PPP6R2: variants seen among roughly 807,000 people sequenced by gnomAD.
The protein encoded by PPP6R2 is serine/threonine-protein phosphatase 6 regulatory subunit 2.
In PPP6R2, 62 loss-of-function variants were observed where a neutral mutation model predicts 100.2. The ratio of observed to expected loss-of-function variants is 0.62; its 90% confidence interval spans 0.50 to 0.76. The LOEUF (loss-of-function observed/expected upper bound fraction) is 0.76. Ranked by LOEUF, PPP6R2 falls within the 30% of genes least tolerant of loss-of-function variation. The pLI is 0.00. For synonymous variants in PPP6R2, 525 were observed against 514.7 expected (o/e 1.02, Z -0.27); for missense variants, 1,142 against 1,276.3 (o/e 0.89, Z 1.60).
chr22:50,380,439 C>T (rs78575967), intron 2 of PPP6R2, among the ~76,000 whole-genome samples: 28,830 of 151,040 alleles, frequency 0.19, 3,048 homozygotes, highest in South Asian at 0.36. Flanking sequence ...CGGCTCACTG[C>T]AACCTCTACC....
chr22:50,370,287 G>A (rs1380529638), intron 1 of PPP6R2, among the ~76,000 whole-genome samples: 3 of 151,998 alleles, frequency 2.0e-5, no homozygotes, highest in Non-Finnish European at 4.4e-5. Flanking sequence ...TATGTGCCAC[G>A]TCTTGTTTGT....
At chr22:50,437,484 T>TGCCCACC in intron 15 of PPP6R2, 22 bp from the exon 16 acceptor site, 3 of 542,102 alleles carry the variant, frequency 5.5e-6, no homozygotes, top group Non-Finnish European at 1.1e-5. Context: ...TGTCCGTCCC[T>TGCCCACC]CCCTCCCTCC....
intron 2 of PPP6R2, among the ~76,000 whole-genome samples, chr22:50,373,437 A>G (rs1299501682): frequency 1.3e-5 from 2 of 150,532 alleles, no homozygotes; most frequent in African/African-American, 4.9e-5. Context: ...TAGAGACGGC[A>G]TTTCACCATG....
intron 4 of PPP6R2, among the ~76,000 whole-genome samples, chr22:50,407,753 G>A (rs777140274): frequency 2.6e-5 from 4 of 152,200 alleles, no homozygotes; most frequent in African/African-American, 4.8e-5. Context: ...TGGTCCCTGT[G>A]CCTGCACCCT....
At chr22:50,425,880 TG>T (rs1462116621) in intron 10 of PPP6R2, among the ~76,000 whole-genome samples, 5 of 140,014 alleles carry the variant, frequency 3.6e-5, no homozygotes, top group Admixed American at 7.2e-5. Context: ...GTTTTTTTTT[TG>T]TTTTTTTTTT....
chr22:50,419,395 C>G lies in PPP6R2; in HGVS notation c.778C>G (p.Arg260Gly). 6.2e-7 allele frequency: 1 copy of G among 1,614,138 alleles called. No homozygotes were observed. Among genetic ancestry groups the G allele is most frequent in the African/African-American group, 1.3e-5 (1 of 75,034 alleles). Residue 260 changes from arginine to glycine, a missense_variant, in exon 8 of 24, where the codon CGG (arginine) becomes GGG (glycine). Transcript: ENST00000612753. Reference sequence around the variant, plus strand: ...TCTGAAGAACATGTTTGATGGAGACCGGACGGAGAGCTGCCTCGTCAGTGG... The same window carrying G: ...TCTGAAGAACATGTTTGATGGAGACGGGACGGAGAGCTGCCTCGTCAGTGG... ...QLLKNMFDGD[R>G]TESCLVSGTQ...
chr22:50,438,112 G>A (rs1294995374), intron 17 of PPP6R2, 62 bp from the exon 18 acceptor site: 2 of 1,567,364 alleles, frequency 1.3e-6, no homozygotes, highest in East Asian at 2.2e-5. Flanking sequence ...AGCTCTATGG[G>A]GAGAGCGGCT....
rs546504517 is a variant in PPP6R2, at chr22:50,396,055, C to T, written c.227+1920C>T. On this transcript the variant is annotated intron_variant, in intron 3 of 23. Transcript: ENST00000612753. The stretch of plus-strand genomic sequence containing the variant: ...AATAAAAATACAAAAATTAGCAGGG[C>T]GTAGTGGCGCACGCCTGTAATCTCA... 7.4e-5 allele frequency among the ~76,000 whole-genome samples: 11 copies of T among 148,224 alleles called. No individual in the cohort carries two copies. In the East Asian group the frequency reaches 8.3e-4, roughly 11 times the overall value.
rs1235582130 is a variant in PPP6R2, at chr22:50,431,214, C to T, written c.1167C>T (p.Phe389=). The change falls in exon 11 of 24, where the codon TTC becomes TTT. Residue 389 remains phenylalanine, a synonymous_variant. Coordinates refer to ENST00000612753, the MANE Select transcript of PPP6R2 (RefSeq NM_001242898.2). The surrounding 1 kb of genome is among the most constrained non-coding windows in gnomAD (Gnocchi z 4.8). Reference sequence around the variant, plus strand: ...ACACCTGGAATAACTTTTTGCACTTCCAAGTGGAACTATGCATAGCCGCTA... The same window carrying T: ...ACACCTGGAATAACTTTTTGCACTTTCAAGTGGAACTATGCATAGCCGCTA... ...FKYTWNNFLH[F]QVELCIAAIL... is the part of the protein sequence containing the mutation. The T allele has an allele frequency of 6.2e-7, 1 of 1,613,804 alleles. No individual in the cohort carries two copies. The highest frequency in any genetic ancestry group is 8.5e-7 in the Non-Finnish European group (1 of 1,179,854).
intron 8 of PPP6R2, among the ~76,000 whole-genome samples, chr22:50,421,223 A>G (rs2061289855): frequency 6.6e-6 from 1 of 152,242 alleles, no homozygotes; most frequent in Non-Finnish European, 1.5e-5. Context: ...TAATCTTCAT[A>G]AACCCAGGAA....
At chr22:50,438,915 G>A (rs1232775227) in intron 19 of PPP6R2, among the ~76,000 whole-genome samples, 153 bp downstream of exon 19, 9 of 152,208 alleles carry the variant, frequency 5.9e-5, no homozygotes, top group Admixed American at 5.9e-4. Context: ...CAGCCGTCCT[G>A]AGTAGGGGTC....
At position 50,444,200 on chromosome 22, in the gene PPP6R2, A is replaced by G. The variant is rs755448559; in HGVS notation, c.2833A>G (p.Lys945Glu). The G allele has an allele frequency of 6.2e-7, 1 of 1,612,834 alleles. No homozygotes were observed. Among genetic ancestry groups the G allele is most frequent in the South Asian group, 1.1e-5 (1 of 91,038 alleles). Reference protein sequence around the residue: ...ATLGTVTKDGKTDAPPEGAAL... With the variant: ...ATLGTVTKDGETDAPPEGAAL... ...TCCAACCCCACCCCATTCCTGCAGGAAGACAGATGCCCCGCCAGAAGGAGC... is the reference window on the plus strand; with the variant it reads ...TCCAACCCCACCCCATTCCTGCAGGGAGACAGATGCCCCGCCAGAAGGAGC... The change falls in exon 24 of 24, where the codon AAG becomes GAG. Residue 945 changes from lysine (K) to glutamate (E), a missense_variant and splice_region_variant. Lys to Glu is a moderately conservative substitution (Grantham distance 56). Around this residue, in one of 2 missense-constraint regions of PPP6R2, gnomAD observed 550 missense variants for 517.4 expected, o/e 1.06. Coordinates refer to ENST00000612753, the MANE Select transcript of PPP6R2 (RefSeq NM_001242898.2).
At chr22:50,393,679 T>G in intron 2 of PPP6R2, 1 of 974,420 alleles carries the variant, frequency 1.0e-6, no homozygotes, top group African/African-American at 1.8e-5. Context: ...TGGAGAGGTC[T>G]GATGGGAATG....
In PPP6R2 at chr22:50,418,982, G is replaced by A. The variant is rs1056309828; in HGVS notation, c.731+3G>A. On this transcript the variant is annotated splice_donor_region_variant and intron_variant, in intron 7 of 23. Transcript: ENST00000612753. ...CCGCTCCTCACAGCGCTGGAGTCGT[G>A]AGTGCTGGTGGGCCGTGGTGCTGGT... is the stretch of plus-strand genomic sequence containing the variant. 1 of 1,609,672 alleles carries A rather than the reference G, an allele frequency of 6.2e-7. No homozygotes were observed. Among genetic ancestry groups the A allele is most frequent in the Non-Finnish European group, 8.5e-7 (1 of 1,176,132 alleles).
the PPP6R2 span, among the ~76,000 whole-genome samples, chr22:50,331,271 G>T: frequency 6.6e-6 from 1 of 151,966 alleles, no homozygotes; most frequent in African/African-American, 2.4e-5. Context: ...TGACATTTGT[G>T]TACAAGTCTC....
At chr22:50,377,505 A>T (rs1390653538) in intron 2 of PPP6R2, among the ~76,000 whole-genome samples, 2 of 152,148 alleles carry the variant, frequency 1.3e-5, no homozygotes, top group Admixed American at 6.6e-5. Flanking sequence ...CAGTGAAGTG[A>T]AAATCAGTGA....
At chr22:50,379,250 C>CT (rs1344562357) in intron 2 of PPP6R2, among the ~76,000 whole-genome samples, 1 of 152,154 alleles carries the variant, frequency 6.6e-6, no homozygotes, top group African/African-American at 2.4e-5. Flanking sequence ...AATCCCAGCA[C>CT]TTTGAGAGGC....
chr22:50,431,156 G>C lies in PPP6R2; in HGVS notation c.1126-17G>C, dbSNP rs368086929. The C allele has an allele frequency of 3.1e-6, 5 of 1,588,700 alleles. No homozygotes were observed. In the African/African-American group the frequency reaches 6.7e-5, roughly 21 times the overall value. ...AAAACCGATCTAAGAACTGTCTTCTGTCCTCTGTTTACCCAGGACTTGTTC... is the reference window on the plus strand; with the variant it reads ...AAAACCGATCTAAGAACTGTCTTCTCTCCTCTGTTTACCCAGGACTTGTTC... On this transcript the variant is annotated splice_polypyrimidine_tract_variant and intron_variant, in intron 10 of 23. Transcript: ENST00000612753. This position sits in a 1 kb window ranked among gnomAD's most constrained non-coding sequence, Gnocchi z 4.8.
At chr22:50,368,292 A>G (rs2148454315) in intron 1 of PPP6R2, among the ~76,000 whole-genome samples, 1 of 152,186 alleles carries the variant, frequency 6.6e-6, no homozygotes, top group Middle Eastern at 3.4e-3. Context: ...TCGCCCAGGA[A>G]AGGGAGACAG....
Sources: gnomAD v4.1 joint callset for allele counts (sites outside exome capture counted in the v4.1 genomes callset) on GRCh38, gnomAD v4.1.1 for gene constraint, gnomAD v4.1.1 regional missense constraint, Gnocchi (gnomAD v3.1) non-coding constraint, MANE v1.5 for transcripts, NCBI Gene and HGNC (gene_info 2026-07-23, HGNC 2026-07-21) for gene names.